Variants in THADA observed in about 807,000 individuals in gnomAD.
THADA encodes the protein THADA armadillo repeat containing.
In THADA, 213 loss-of-function variants were observed where a neutral mutation model predicts 219.8. The ratio of observed to expected loss-of-function variants is 0.97; its 90% CI spans 0.87 to 1.09. The LOEUF is 1.09. Ranked by LOEUF, THADA falls within the 50% of genes least tolerant of loss-of-function variation. The pLI, the probability that THADA is intolerant of heterozygous loss-of-function variation, is 0.00. For synonymous variants in THADA, 1,018 were observed against 828.9 expected, an observed-to-expected ratio of 1.23 and a Z score of -3.92; for missense variants, 2,956 against 2,311.3, an observed-to-expected ratio of 1.28 and a Z score of -5.72.
At chr2:43,465,825 T>A (rs886486760) in intron 26 of THADA, among the ~76,000 whole-genome samples, 21 of 152,150 alleles carry the variant, frequency 1.4e-4, no homozygotes, top group African/African-American at 3.9e-4. Flanking sequence ...GGATCTGCCA[T>A]TGGATGTCCC....
chr2:43,581,625 A>G, intron 8 of THADA, 116 bp downstream of exon 8: 1 of 872,672 alleles, frequency 1.1e-6, no homozygotes, highest in Non-Finnish European at 1.7e-6. Flanking sequence ...CTGAGTAAGG[A>G]CACATTCCAC....
intron 26 of THADA, chr2:43,463,251 C>T (rs1458028774): frequency 6.6e-6 from 1 of 152,176 alleles, no homozygotes; most frequent in Admixed American, 6.5e-5. Context: ...TCTCCCCATA[C>T]CTGATTACAC....
chr2:43,505,903 T>G (rs1689613370), intron 23 of THADA, among the ~76,000 whole-genome samples, 168 bp from the exon 24 acceptor site: 1 of 152,218 alleles, frequency 6.6e-6, no homozygotes, highest in Non-Finnish European at 1.5e-5. Context: ...AACCTCACAG[T>G]TGAACCTACA....
intron 15 of THADA, among the ~76,000 whole-genome samples, chr2:43,561,007 A>G (rs1435625228): frequency 7.2e-6 from 1 of 138,612 alleles, no homozygotes; most frequent in African/African-American, 2.8e-5. Context: ...ACAGAGTGAG[A>G]CTTGGTCTCA....
At chr2:43,558,185 G>A (rs1045059109) in intron 16 of THADA, among the ~76,000 whole-genome samples, 1 of 152,188 alleles carries the variant, frequency 6.6e-6, no homozygotes, top group Admixed American at 6.5e-5. Flanking sequence ...AAGAAGGAGA[G>A]TAACCTAGGT....
intron 26 of THADA, 90 bp from the exon 27 acceptor site, chr2:43,430,392 G>A (rs1679084973): frequency 1.5e-6 from 1 of 666,042 alleles, no homozygotes; most frequent in South Asian, 2.2e-5. Flanking sequence ...AGATAAGTAC[G>A]GTTGTTTGGA....
intron 31 of THADA, among the ~76,000 whole-genome samples, chr2:43,318,909 T>A (rs1030523212): frequency 1.3e-5 from 2 of 152,144 alleles, no homozygotes; most frequent in African/African-American, 4.8e-5. Context: ...CATATAAGGA[T>A]TAACCATTCT....
intron 26 of THADA, among the ~76,000 whole-genome samples, chr2:43,465,670 C>T (rs1301029591): frequency 6.6e-6 from 1 of 152,200 alleles, no homozygotes; most frequent in Non-Finnish European, 1.5e-5. Flanking sequence ...ACTGATGCTT[C>T]CCTGAGTCTA....
At chr2:43,480,461 C>G (rs1171269962) in intron 26 of THADA, among the ~76,000 whole-genome samples, 1 of 151,946 alleles carries the variant, frequency 6.6e-6, no homozygotes, top group Non-Finnish European at 1.5e-5. Context: ...AGGGCCTGGC[C>G]CAGAGTAAAA....
chr2:43,575,588 G>A (rs1223121380), intron 10 of THADA, among the ~76,000 whole-genome samples: 2 of 152,180 alleles, frequency 1.3e-5, no homozygotes, highest in Non-Finnish European at 2.9e-5. Context: ...CCAGGCTGGA[G>A]TGCAGTGGTG....
intron 25 of THADA, among the ~76,000 whole-genome samples, chr2:43,490,822 G>C (rs887951874): frequency 3.3e-5 from 5 of 152,090 alleles, no homozygotes; most frequent in Non-Finnish European, 5.9e-5. Flanking sequence ...ATAGGGTTTA[G>C]TACTAACCAT....
At chr2:43,528,014 G>T in intron 21 of THADA, 26 bp from the exon 22 acceptor site, 1 of 1,547,962 alleles carries the variant, frequency 6.5e-7, no homozygotes, top group Non-Finnish European at 8.9e-7. Flanking sequence ...AAAAACAAAT[G>T]TCCGATTTAT....
chr2:43,562,001 G>C (rs549875451), intron 15 of THADA, among the ~76,000 whole-genome samples: 10 of 152,078 alleles, frequency 6.6e-5, no homozygotes, highest in African/African-American at 2.4e-5. Context: ...AAATTGAGAC[G>C]ATCACATGGT....
intron 28 of THADA, among the ~76,000 whole-genome samples, chr2:43,417,561 T>A (rs1677152646): frequency 6.6e-6 from 1 of 152,204 alleles, no homozygotes; most frequent in Non-Finnish European, 1.5e-5. Context: ...ATGAGACTAC[T>A]GCCAACGAAA....
intron 36 of THADA, among the ~76,000 whole-genome samples, chr2:43,264,497 C>T (rs1209404117): frequency 6.6e-6 from 1 of 152,006 alleles, no homozygotes; most frequent in African/African-American, 2.4e-5. Flanking sequence ...GTTGGTCAAG[C>T]TGGTCTCGAA....
Position 43,508,768 on chromosome 2 carries a change from C to G in THADA, c.3387G>C (p.Val1129=). ...ACTGTTCTGGCAGCTTTTGCAGACT[C>G]ACATTTGGGCACCTAAAAGGCATAT... ...LTEVLNRCPN[V]SLQKLPEQWL... The change falls in exon 23 of 38, where the codon GTG becomes GTC. Residue 1129 remains valine (V), a synonymous_variant. Transcript: ENST00000405975. 1.9e-6 allele frequency: 3 copies of G among 1,613,274 alleles called. No homozygotes were observed. The South Asian group carries it at 3.3e-5, about 18-fold the overall frequency.
chr2:43,424,028 C>G (rs934508437), intron 28 of THADA, among the ~76,000 whole-genome samples: 2 of 152,100 alleles, frequency 1.3e-5, no homozygotes, highest in African/African-American at 4.8e-5. Flanking sequence ...GGCTTTGTAT[C>G]TGGATGCAGC....
At chr2:43,386,409 T>C (rs770918126) in intron 29 of THADA, among the ~76,000 whole-genome samples, 9 of 151,654 alleles carry the variant, frequency 5.9e-5, no homozygotes, top group Non-Finnish European at 1.0e-4. Flanking sequence ...TTTCCCCAAA[T>C]AGACAAAGAA....
At chr2:43,245,722 A>G (rs553672827) in intron 36 of THADA, among the ~76,000 whole-genome samples, 1 of 152,316 alleles carries the variant, frequency 6.6e-6, no homozygotes, top group African/African-American at 2.4e-5. Context: ...GTGCCCAGTC[A>G]AGGTACTGTA....
Sources: allele counts gnomAD v4.1 joint callset (sites outside exome capture counted in the v4.1 genomes callset), GRCh38; gene constraint gnomAD v4.1.1; transcripts MANE v1.5; gene names NCBI Gene and HGNC (gene_info 2026-07-23, HGNC 2026-07-21).